The following SLCO3A1 variants were observed in gnomAD, a reference collection of about 807,000 sequenced individuals.
SLCO3A1 encodes the protein solute carrier organic anion transporter family member 3A1, also known as PGE1 transporter.
A neutral mutation model predicts 63.1 loss-of-function variants in SLCO3A1; 27 were observed. The ratio of observed to expected loss-of-function variants is 0.43; its 90% confidence interval spans 0.32 to 0.59. The LOEUF (loss-of-function observed/expected upper bound fraction) is 0.59, where lower values mean the gene tolerates loss of function less well. Ranked by LOEUF, SLCO3A1 falls within the 20% of genes least tolerant of loss-of-function variation. The pLI is 0.09. For missense variants in SLCO3A1, 773 were observed against 945.8 expected, an observed-to-expected ratio of 0.82 and a Z score of 2.40; for synonymous variants, 473 against 409.9, an observed-to-expected ratio of 1.15 and a Z score of -1.86.
intron 2 of SLCO3A1, among the ~76,000 whole-genome samples, chr15:92,056,416 G>C (rs759841465): frequency 2.6e-4 from 39 of 152,134 alleles, no homozygotes; most frequent in Non-Finnish European, 2.9e-5. Flanking sequence ...TCTTGGGCCA[G>C]AGCAGGGCAA....
At chr15:91,939,788 A>C (rs894407971) in intron 2 of SLCO3A1, among the ~76,000 whole-genome samples, 2 of 152,112 alleles carry the variant, frequency 1.3e-5, no homozygotes, top group African/African-American at 2.4e-5. Context: ...GCTGCTATAA[A>C]GACATCAGCA....
intron 2 of SLCO3A1, among the ~76,000 whole-genome samples, chr15:91,999,090 T>C (rs999449197): frequency 6.6e-6 from 1 of 152,150 alleles, no homozygotes; most frequent in Non-Finnish European, 1.5e-5. Context: ...AAACATTGGG[T>C]ACTCGTGGAC....
chr15:92,032,246 G>A (rs939048696), intron 2 of SLCO3A1, among the ~76,000 whole-genome samples: 2 of 152,162 alleles, frequency 1.3e-5, no homozygotes, highest in African/African-American at 4.8e-5. Context: ...ATGTGCAGGC[G>A]TGTGGCAGGG....
chr15:92,161,703 C>G (rs772549264), intron 9 of SLCO3A1: 2 of 152,264 alleles, frequency 1.3e-5, no homozygotes, highest in Non-Finnish European at 2.9e-5. Flanking sequence ...CCCTAAAAGC[C>G]TCAAACAGAA....
intron 1 of SLCO3A1, among the ~76,000 whole-genome samples, chr15:91,893,161 C>T (rs79698907): frequency 0.011 from 1,742 of 152,316 alleles, 35 homozygotes; most frequent in African/African-American, 0.039. Context: ...CTGATGAATA[C>T]TTGACATGTG....
In SLCO3A1 at chr15:92,000,393, C is replaced by T. The variant is rs867500521; in HGVS notation, c.646+83935C>T. The stretch of plus-strand genomic sequence containing the variant: ...GGCTTTAACTCTGTAATGTTTTTTT[C>T]CTTTTTTTTTAAAAAAAAAAAAAGA... On this transcript the variant is annotated intron_variant, in intron 2 of 9. Transcript: ENST00000318445. Among the ~76,000 whole-genome samples the T allele has an allele frequency of 5.5e-3, 761 of 137,356 alleles. 13 individuals carry two copies. Among genetic ancestry groups the T allele is most frequent in the African/African-American group, 0.018 (702 of 38,846 alleles). The allele number at this position is 137,356 out of a possible 152,430, so 90.1% of individuals were successfully genotyped here.
chr15:91,963,535 A>AT (rs1478367661), intron 2 of SLCO3A1, among the ~76,000 whole-genome samples: 2 of 152,060 alleles, frequency 1.3e-5, no homozygotes, highest in Non-Finnish European at 2.9e-5. Flanking sequence ...ACACCGTGGG[A>AT]TTTTATTGCA....
At chr15:92,141,017 A>G (rs1596137875) in intron 7 of SLCO3A1, among the ~76,000 whole-genome samples, 1 of 152,312 alleles carries the variant, frequency 6.6e-6, no homozygotes, top group East Asian at 1.9e-4. Context: ...TTCTCGTAGA[A>G]CGGACAAGCC....
In SLCO3A1 at chr15:91,875,276, A is replaced by G. The variant is rs894695600; in HGVS notation, c.180+21188A>G. Among the ~76,000 whole-genome samples, 1 of 152,092 alleles carries G rather than the reference A, an allele frequency of 6.6e-6. No homozygotes were observed. Among genetic ancestry groups the G allele is most frequent in the African/African-American group, 2.4e-5 (1 of 41,392 alleles). On this transcript the variant is annotated intron_variant, in intron 1 of 9. Coordinates refer to ENST00000318445, the MANE Select transcript of SLCO3A1 (RefSeq NM_013272.4). The surrounding 1 kb of genome is among the most constrained non-coding windows in gnomAD (Gnocchi z 4.5). ...ATTGTAGCTCATTGTAGGAGATCCT[A>G]GTTGCACTTCTGTTATGAAGCCACT...
chr15:92,039,451 A>G lies in SLCO3A1; in HGVS notation c.647-55430A>G, dbSNP rs987276707. Among the ~76,000 whole-genome samples, 7 of 152,360 alleles carry G rather than the reference A, an allele frequency of 4.6e-5. No individual in the cohort carries two copies. The Middle Eastern group carries it at 0.014, about 298-fold the overall frequency. On this transcript the variant is annotated intron_variant, in intron 2 of 9. Transcript: ENST00000318445. ...CTCAAAAGAAGACATTTATGTGACT[A>G]TCAAACATAGGAAGAAAAGCTCCAT... is the stretch of plus-strand genomic sequence containing the variant.
At chr15:92,021,350 T>C (rs967640868) in intron 2 of SLCO3A1, among the ~76,000 whole-genome samples, 1 of 152,228 alleles carries the variant, frequency 6.6e-6, no homozygotes, top group Non-Finnish European at 1.5e-5. Context: ...ATCTTTTAAC[T>C]GTATGTTTGC....
At chr15:91,922,521 A>G (rs1395895456) in intron 2 of SLCO3A1, among the ~76,000 whole-genome samples, 2 of 152,210 alleles carry the variant, frequency 1.3e-5, no homozygotes, top group African/African-American at 4.8e-5. Flanking sequence ...CCAGCAACCA[A>G]AGAGAACCAA....
chr15:92,126,468 T>A (rs1225054333), intron 6 of SLCO3A1, among the ~76,000 whole-genome samples: 1 of 152,116 alleles, frequency 6.6e-6, no homozygotes, highest in South Asian at 2.1e-4. Flanking sequence ...TGGGAAGCAC[T>A]GGGGGAGAAG....
intron 2 of SLCO3A1, among the ~76,000 whole-genome samples, chr15:91,925,764 T>G (rs991029206): frequency 9.2e-5 from 14 of 152,144 alleles, no homozygotes; most frequent in African/African-American, 3.4e-4. Flanking sequence ...TGCAGAGAAC[T>G]TGCCTAAGAA....
intron 2 of SLCO3A1, among the ~76,000 whole-genome samples, chr15:91,986,658 A>G (rs1055702797): frequency 6.6e-6 from 1 of 151,802 alleles, no homozygotes; most frequent in Non-Finnish European, 1.5e-5. Context: ...CTCAGTTCAG[A>G]CCAGCTGCAT....
chr15:92,150,896 C>T, intron 8 of SLCO3A1, 54 bp from the exon 9 acceptor site: 1 of 1,337,296 alleles, frequency 7.5e-7, no homozygotes, highest in Non-Finnish European at 1.1e-6. Flanking sequence ...CTGTTAATTA[C>T]AGGGGAATGA....
chr15:92,026,818 G>T (rs778256314), intron 2 of SLCO3A1, among the ~76,000 whole-genome samples: 3 of 152,222 alleles, frequency 2.0e-5, no homozygotes, highest in Non-Finnish European at 4.4e-5. Context: ...GCCGGGCACA[G>T]TGGCTCACAC....
chr15:91,925,375 G>A (rs148571070), intron 2 of SLCO3A1, among the ~76,000 whole-genome samples: 10 of 152,124 alleles, frequency 6.6e-5, no homozygotes, highest in African/African-American at 2.2e-4. Flanking sequence ...CTCCTTAGTG[G>A]GAAGTAAGTT....
downstream of SLCO3A1, among the ~76,000 whole-genome samples, chr15:92,166,456 C>T (rs1192459077): frequency 6.6e-6 from 1 of 152,224 alleles, no homozygotes; most frequent in Non-Finnish European, 1.5e-5. Flanking sequence ...TGGAATAACT[C>T]GCTCTAGTGC....
Sources: allele counts gnomAD v4.1 joint callset (sites outside exome capture counted in the v4.1 genomes callset), GRCh38; gene constraint gnomAD v4.1.1; non-coding constraint Gnocchi (gnomAD v3.1); transcripts MANE v1.5; gene names NCBI Gene and HGNC (gene_info 2026-07-23, HGNC 2026-07-21).